COL22A1: variants seen among roughly 807,000 people sequenced by gnomAD.
The protein encoded by COL22A1 is collagen type XXII alpha 1 chain.
In COL22A1, 221 loss-of-function variants were observed where a neutral mutation model predicts 248.9. The observed-to-expected ratio is 0.89, with a 90% confidence interval of 0.80 to 0.99. COL22A1 has a LOEUF of 0.99. Ranked by LOEUF, COL22A1 falls within the 50% of genes least tolerant of loss-of-function variation. The pLI is 0.00. For missense variants in COL22A1, 2,240 were observed against 2,179.0 expected, an observed-to-expected ratio of 1.03 and a Z score of -0.56; for synonymous variants, 891 against 793.4, an observed-to-expected ratio of 1.12 and a Z score of -2.07.
intron 4 of COL22A1, among the ~76,000 whole-genome samples, chr8:138,840,586 C>A (rs1820808855): frequency 6.6e-6 from 1 of 151,554 alleles, no homozygotes; most frequent in South Asian, 2.1e-4. Flanking sequence ...CAGCAAGAAT[C>A]AGTTATTATT....
chr8:138,791,117 C>A (rs1815994649), intron 12 of COL22A1, among the ~76,000 whole-genome samples: 1 of 152,216 alleles, frequency 6.6e-6, no homozygotes. Context: ...ATAATGATGT[C>A]TTTCACCTGC....
rs1827190216 is a variant in COL22A1 at position 138,692,689 on chromosome 8, C to G, written c.2754+957G>C. Among the ~76,000 whole-genome samples the G allele has an allele frequency of 2.0e-5, 3 of 152,104 alleles. 1 individual carries two copies. The highest frequency in any genetic ancestry group is 4.2e-4 in the South Asian group (2 of 4,810). ...GCCCATGTTTCCTCCAGGCCTTGTT[C>G]CCCACTGTCCCCGGGTTTTGCACAT... On this transcript the variant is annotated intron_variant, in intron 35 of 64. Coordinates refer to ENST00000303045, the MANE Select transcript of COL22A1 (RefSeq NM_152888.3).
At chr8:138,839,096 T>G (rs1221773333) in intron 4 of COL22A1, among the ~76,000 whole-genome samples, 1 of 152,200 alleles carries the variant, frequency 6.6e-6, no homozygotes, top group African/African-American at 2.4e-5. Context: ...AAGGGATGAT[T>G]TGATCTGTTT....
Position 138,844,088 on chromosome 8 carries a change from G to C in COL22A1, c.729C>G (p.Ile243Met). 6.2e-7 allele frequency: 1 copy of C among 1,613,754 alleles called. No individual in the cohort carries two copies. The highest frequency in any genetic ancestry group is 1.3e-5 in the African/African-American group (1 of 75,034). ...FKHTNGGTKE[I>M]TGFDLMDLFS... ...TGGTTATTGTTTTTCCCTTACCTGT[G>C]ATTTCCTTGGTTCCTCCATTGGTGT... Residue 243 changes from isoleucine to methionine, a missense_variant, in exon 4 of 65, where the codon ATC (isoleucine) becomes ATG (methionine). Coordinates refer to ENST00000303045, the MANE Select transcript of COL22A1 (RefSeq NM_152888.3).
At chr8:138,794,961 G>C (rs927282113) in intron 12 of COL22A1, among the ~76,000 whole-genome samples, 3 of 152,088 alleles carry the variant, frequency 2.0e-5, no homozygotes, top group Admixed American at 6.5e-5. Flanking sequence ...TAAGCAAAAC[G>C]AATGCATTCT....
intron 35 of COL22A1, among the ~76,000 whole-genome samples, chr8:138,691,771 AGT>A (rs1250417582): frequency 8.5e-5 from 3 of 35,412 alleles, no homozygotes; most frequent in African/African-American, 3.1e-4. Context: ...TGTACACGTA[AGT>A]GTGTGCATGT....
Position 138,615,854 on chromosome 8 carries a change from C to T in COL22A1, c.3924+147G>A, listed in dbSNP as rs957229431. Reference sequence around the variant, plus strand: ...CCCACTAGGTTGGAGGCGCCAATCTCATCCTTGCCAACCAATCCTGTGATG... The same window carrying T: ...CCCACTAGGTTGGAGGCGCCAATCTTATCCTTGCCAACCAATCCTGTGATG... On this transcript the variant is annotated intron_variant, in intron 55 of 64. Transcript: ENST00000303045. The T allele has an allele frequency of 1.0e-4, 63 of 628,454 alleles. No homozygotes were observed. In the East Asian group the frequency reaches 1.7e-3, roughly 17 times the overall value. The allele number at this position is 628,454 out of a possible 1,614,324, so 38.9% of individuals were successfully genotyped here.
In COL22A1 at chr8:138,598,781, C is replaced by G. The variant is rs1817754954; in HGVS notation, c.4303G>C (p.Gly1435Arg). 1 of 1,614,154 alleles carries G rather than the reference C, an allele frequency of 6.2e-7. No individual in the cohort carries two copies. Among genetic ancestry groups the G allele is most frequent in the Non-Finnish European group, 8.5e-7 (1 of 1,180,010 alleles). The change falls in exon 61 of 65, where the codon GGG becomes CGG. Residue 1435 changes from glycine to arginine, a missense_variant. Transcript: ENST00000303045. ...GGGGGTCCAACTGGTCCATTCTCCC[C>G]AGGTAGTCCTTGGGGACCCATCAGG... ...TGLMGPQGLP[G>R]ENGPVGPPGP...
At chr8:138,641,564 A>G (rs558601950) in intron 47 of COL22A1, among the ~76,000 whole-genome samples, 1 of 152,156 alleles carries the variant, frequency 6.6e-6, no homozygotes, top group Non-Finnish European at 1.5e-5. Flanking sequence ...CAGACCCTAT[A>G]TCTTAAAGTC....
At chr8:138,684,208 G>A (rs938312576) in intron 39 of COL22A1, among the ~76,000 whole-genome samples, 1 of 150,970 alleles carries the variant, frequency 6.6e-6, no homozygotes, top group African/African-American at 2.4e-5. Context: ...AAGTTGCAGT[G>A]AGCTGAGATC....
chr8:138,630,851 T>C, intron 49 of COL22A1, 103 bp from the exon 50 acceptor site: 3 of 1,003,492 alleles, frequency 3.0e-6, no homozygotes, highest in Non-Finnish European at 4.7e-6. Context: ...TGGTTATCTG[T>C]CCCCTCCAAA....
At chr8:138,635,523 C>A (rs1426672683) in intron 48 of COL22A1, among the ~76,000 whole-genome samples, 1 of 152,126 alleles carries the variant, frequency 6.6e-6, no homozygotes, top group Non-Finnish European at 1.5e-5. Flanking sequence ...ATTACAGCCT[C>A]CATATTCTGG....
intron 41 of COL22A1, among the ~76,000 whole-genome samples, chr8:138,670,604 G>GAA (rs143942127): frequency 1.3e-5 from 2 of 151,548 alleles, no homozygotes; most frequent in African/African-American, 4.9e-5. Flanking sequence ...ATGAATTAAA[G>GAA]AAAAAAAACC....
Position 138,648,713 on chromosome 8 carries a change from G to A in COL22A1, c.3447+952C>T, listed in dbSNP as rs1244283294. 2.6e-5 allele frequency among the ~76,000 whole-genome samples: 4 copies of A among 152,212 alleles called. No individual in the cohort carries two copies. The East Asian group carries it at 7.7e-4, about 29-fold the overall frequency. On this transcript the variant is annotated intron_variant, in intron 46 of 64. Transcript: ENST00000303045. The stretch of plus-strand genomic sequence containing the variant: ...TGTCTAGGGATTGGTATCTCCCCAA[G>A]TTGCAACACTATCTTCTTACATAAA...
intron 3 of COL22A1, among the ~76,000 whole-genome samples, chr8:138,845,796 G>T (rs182339687): frequency 6.3e-4 from 96 of 152,216 alleles, no homozygotes; most frequent in African/African-American, 2.2e-3. Context: ...GCACTGAAAG[G>T]CTGTAAGGAG....
intron 3 of COL22A1, among the ~76,000 whole-genome samples, chr8:138,875,477 C>A (rs1823646011): frequency 6.6e-6 from 1 of 152,182 alleles, no homozygotes; most frequent in African/African-American, 2.4e-5. Context: ...CCGGAAGTAA[C>A]CTTGTTTCCC....
At chr8:138,807,890 C>T in intron 9 of COL22A1, 78 bp from the exon 10 acceptor site, 5 of 1,417,628 alleles carry the variant, frequency 3.5e-6, no homozygotes, top group Non-Finnish European at 4.0e-6. Context: ...GGTAATCCAC[C>T]CCCACATGCT....
rs145824270 is a variant in COL22A1 at position 138,597,336 on chromosome 8, C to G, written c.4366-366G>C. Among the ~76,000 whole-genome samples, 870 of 152,288 alleles carry G rather than the reference C, an allele frequency of 5.7e-3. 5 individuals are homozygous for G. Among genetic ancestry groups the G allele is most frequent in the Admixed American group, 8.0e-3 (122 of 15,300 alleles). On this transcript the variant is annotated intron_variant, in intron 61 of 64. Coordinates refer to ENST00000303045, the MANE Select transcript of COL22A1 (RefSeq NM_152888.3). ...GAGATCTGGCCCCTAATCTCTGCTG[C>G]CAAAGTTGTGTCCACCTTTTGGACA...
At chr8:138,738,412 T>G (rs1831292272) in intron 22 of COL22A1, among the ~76,000 whole-genome samples, 1 of 152,240 alleles carries the variant, frequency 6.6e-6, no homozygotes, top group Non-Finnish European at 1.5e-5. Context: ...CAGCCCTTTT[T>G]GGCATTGTCC....
Sources: allele counts gnomAD v4.1 joint callset (sites outside exome capture counted in the v4.1 genomes callset), GRCh38; gene constraint gnomAD v4.1.1; transcripts MANE v1.5; gene names NCBI Gene and HGNC (gene_info 2026-07-23, HGNC 2026-07-21).